The following CCT8 variants were observed in gnomAD, a reference collection of about 807,000 sequenced individuals.
CCT8 encodes T-complex protein 1 subunit theta.
In CCT8, 10 loss-of-function variants were observed where a neutral mutation model predicts 65.7. That is an observed-to-expected ratio of 0.15 (90% CI 0.09 to 0.26). The LOEUF (loss-of-function observed/expected upper bound fraction) is 0.26, where lower values mean the gene tolerates loss of function less well. Ranked by LOEUF, CCT8 falls within the 10% of genes least tolerant of loss-of-function variation. The pLI is 1.00. For synonymous variants in CCT8, 199 were observed against 221.8 expected (o/e 0.90, Z 0.92); for missense variants, 568 against 669.1 (o/e 0.85, Z 1.67).
intron 2 of CCT8, 55 bp from the exon 3 acceptor site, chr21:29,069,557 C>A: frequency 9.9e-7 from 1 of 1,010,110 alleles, no homozygotes; most frequent in Non-Finnish European, 1.5e-6. Context: ...TCAAATCCTT[C>A]CCCAAATACC....
intron 2 of CCT8, 64 bp downstream of exon 2, chr21:29,070,183 G>A: frequency 1.0e-6 from 1 of 988,346 alleles, no homozygotes; most frequent in Non-Finnish European, 1.5e-6. Context: ...GAACAAGTCT[G>A]AAAGAAGACG....
rs750337571 is a variant in CCT8, at chr21:29,061,537, T to C, written c.1243A>G (p.Thr415Ala). 2 of 1,614,060 alleles carry C rather than the reference T, an allele frequency of 1.2e-6. No individual in the cohort carries two copies. Among genetic ancestry groups the C allele is most frequent in the East Asian group, 2.2e-5 (1 of 44,880 alleles). ...DKRLVPGGGA[T>A]EIELAKQITS... ...ATCTGTTTGGCTAATTCAATTTCTG[T>C]TGCTCCACCTCCGGGTACAAGACGT... The change falls in exon 12 of 15, where the codon ACA (threonine) becomes GCA (alanine). Residue 415 changes from threonine to alanine, a missense_variant. Coordinates refer to ENST00000286788, the MANE Select transcript of CCT8 (RefSeq NM_006585.4).
In CCT8 at chr21:29,073,569, C is replaced by G. The variant is rs764018040; in HGVS notation, c.22G>C (p.Ala8Pro). The change falls in exon 1 of 15, where the codon GCT becomes CCT. Residue 8 changes from alanine (A) to proline (P), a missense_variant. By Grantham distance (27) the Ala-to-Pro change is conservative. Coordinates refer to ENST00000286788, the MANE Select transcript of CCT8 (RefSeq NM_006585.4). The stretch of plus-strand genomic sequence containing the variant: ...TTGAGCATCTGGGCAAAGCCCGGAG[C>G]CTTGGGAACGTGAAGCGCCATGGCC... MALHVPK[A>P]PGFAQMLKEG... The G allele has an allele frequency of 1.4e-5, 23 of 1,614,152 alleles. No homozygotes were observed. In the East Asian group the frequency reaches 4.7e-4, roughly 33 times the overall value.
intron 3 of CCT8, among the ~76,000 whole-genome samples, chr21:29,067,960 G>C (rs941383989): frequency 6.6e-6 from 1 of 152,096 alleles, no homozygotes; most frequent in Non-Finnish European, 1.5e-5. Flanking sequence ...TGCACATACA[G>C]TGCCACACAT....
chr21:29,059,812 G>A (rs1487871265), intron 14 of CCT8: 1 of 152,040 alleles, frequency 6.6e-6, no homozygotes, highest in Non-Finnish European at 1.5e-5. Flanking sequence ...GGTCCTTACT[G>A]TACTTAAAAG....
chr21:29,071,695 T>C (rs1381626321), intron 1 of CCT8, among the ~76,000 whole-genome samples: 1 of 152,134 alleles, frequency 6.6e-6, no homozygotes, highest in African/African-American at 2.4e-5. Flanking sequence ...CAATAGCCAC[T>C]GCTTTAAAAG....
rs8129954 is a variant in CCT8, at chr21:29,061,555, C to A, written c.1225G>T (p.Val409Leu). Reference sequence around the variant, plus strand: ...ATTTCTGTTGCTCCACCTCCGGGTACAAGACGTTTATCCTGTATGTAGCGC... The same window carrying A: ...ATTTCTGTTGCTCCACCTCCGGGTAAAAGACGTTTATCCTGTATGTAGCGC... Reference protein sequence around the residue: ...FKVLTRDKRLVPGGGATEIEL... With the variant: ...FKVLTRDKRLLPGGGATEIEL... The change falls in exon 12 of 15, where the codon GTA (valine) becomes TTA (leucine). Residue 409 changes from valine to leucine, a missense_variant. Val to Leu is a conservative substitution (Grantham distance 32, BLOSUM62 1). Transcript: ENST00000286788. 1 of 1,613,278 alleles carries A rather than the reference C, an allele frequency of 6.2e-7. No homozygotes were observed. Among genetic ancestry groups the A allele is most frequent in the Non-Finnish European group, 8.5e-7 (1 of 1,179,440 alleles).
intron 3 of CCT8, 89 bp from the exon 4 acceptor site, chr21:29,067,794 T>C (rs1162843730): frequency 1.0e-6 from 1 of 969,166 alleles, no homozygotes; most frequent in African/African-American, 1.7e-5. Context: ...GACTCAATTT[T>C]CTTGTAGATT....
chr21:29,065,076 C>A lies in CCT8; in HGVS notation c.654G>T (p.Leu218Phe). ...TTTCCTTCTTAAAAACCATGCCATG[C>A]AATACTGAAGAGGAACTGATACCAG... ...LGSGISSSSVLHGMVFKKETE... is the reference protein window; with the variant it reads ...LGSGISSSSVFHGMVFKKETE... The change falls in exon 7 of 15, where the codon TTG becomes TTT. Residue 218 changes from leucine to phenylalanine, a missense_variant. Transcript: ENST00000286788. The A allele has an allele frequency of 6.2e-7, 1 of 1,613,960 alleles. No homozygotes were observed. Among genetic ancestry groups the A allele is most frequent in the Non-Finnish European group, 8.5e-7 (1 of 1,179,920 alleles).
chr21:29,070,316 C>T lies in CCT8; in HGVS notation c.82G>A (p.Ala28Thr). 6.2e-7 allele frequency: 1 copy of T among 1,610,882 alleles called. No homozygotes were observed. The highest frequency in any genetic ancestry group is 8.5e-7 in the Non-Finnish European group (1 of 1,178,356). Residue 28 changes from alanine to threonine, a missense_variant, in exon 2 of 15, where the codon GCT becomes ACT. By Grantham distance (58) the Ala-to-Thr change is moderately conservative. Transcript: ENST00000286788. ...CAAGCTTGTATGTTTCTATACACAG[C>T]CTCTTCTAATCCTGAAAAGTGCTGT... ...GAKHFSGLEE[A>T]VYRNIQACKE...
At chr21:29,070,361 A>G in intron 1 of CCT8, 24 bp from the exon 2 acceptor site, 1 of 1,481,098 alleles carries the variant, frequency 6.8e-7, no homozygotes, top group Non-Finnish European at 9.3e-7. Flanking sequence ...CAAACAAAAA[A>G]CCCCGCTAAT....
At chr21:29,071,842 A>C in intron 1 of CCT8, 1 of 673,252 alleles carries the variant, frequency 1.5e-6, no homozygotes, top group Middle Eastern at 3.1e-4. Context: ...TCCCATACTT[A>C]AGACCCTTCA....
chr21:29,060,111 T>C (rs956918834), intron 14 of CCT8: 2 of 149,022 alleles, frequency 1.3e-5, no homozygotes, highest in Non-Finnish European at 3.0e-5. Context: ...AGGGTAGAAA[T>C]ATGATTTTAA....
chr21:29,069,217 A>G lies in CCT8; in HGVS notation c.231+206T>C, dbSNP rs202023105. ...TCACAACCAATCCCTCCATAAATTAATAACTTGAGAGATTTTTAAGATTTC... is the reference window on the plus strand; with the variant it reads ...TCACAACCAATCCCTCCATAAATTAGTAACTTGAGAGATTTTTAAGATTTC... On this transcript the variant is annotated intron_variant, in intron 3 of 14. Transcript: ENST00000286788. 5.9e-5 allele frequency among the ~76,000 whole-genome samples: 9 copies of G among 152,338 alleles called. 1 individual carries two copies. In the East Asian group the frequency reaches 1.7e-3, roughly 29 times the overall value.
intron 2 of CCT8, 55 bp downstream of exon 2, chr21:29,070,192 C>T (rs747282818): frequency 1.8e-5 from 19 of 1,053,388 alleles, no homozygotes; most frequent in Non-Finnish European, 2.3e-5. Context: ...TGAAAGAAGA[C>T]GTAGTACACA....
rs1601089422 is a variant in CCT8, at chr21:29,061,416, G to A, written c.1286C>T (p.Thr429Ile). The A allele has an allele frequency of 6.2e-7, 1 of 1,613,914 alleles. No homozygotes were observed. Among genetic ancestry groups the A allele is most frequent in the Non-Finnish European group, 8.5e-7 (1 of 1,179,874 alleles). The change falls in exon 13 of 15, where the codon ACA becomes ATA. Residue 429 changes from threonine to isoleucine, a missense_variant and splice_region_variant. Physicochemically the swap from Thr to Ile is moderately conservative, Grantham distance 89. Coordinates refer to ENST00000286788, the MANE Select transcript of CCT8 (RefSeq NM_006585.4). The part of the protein sequence containing the change: ...LAKQITSYGE[T>I]CPGLEQYAIK... Reference sequence around the variant, plus strand: ...AGCATACTGTTCAAGTCCAGGACATGTCTAAAACAAAAATGCGTTAATTAC... The same window carrying A: ...AGCATACTGTTCAAGTCCAGGACATATCTAAAACAAAAATGCGTTAATTAC...
At chr21:29,068,329 A>G (rs1363200644) in intron 3 of CCT8, among the ~76,000 whole-genome samples, 1 of 152,212 alleles carries the variant, frequency 6.6e-6, no homozygotes, top group East Asian at 1.9e-4. Flanking sequence ...TCACCACTGT[A>G]CTTTAATAAC....
At chr21:29,061,191 A>T in intron 13 of CCT8, 62 bp downstream of exon 13, 2 of 1,264,410 alleles carry the variant, frequency 1.6e-6, no homozygotes, top group Non-Finnish European at 2.3e-6. Flanking sequence ...TTAAACTCAT[A>T]CTATTTTTAG....
In CCT8 at chr21:29,062,641, C is replaced by A. The variant is rs961757315; in HGVS notation, c.942-85G>T. 76 of 996,574 alleles carry A rather than the reference C, an allele frequency of 7.6e-5. No homozygotes were observed. In the Middle Eastern group the frequency reaches 1.2e-3, roughly 16 times the overall value. 61.7% of individuals were successfully genotyped at this position (996,574 alleles called of 1,614,324 possible). The stretch of plus-strand genomic sequence containing the variant: ...TTCAAATTAAAGAGGAACCTGTATA[C>A]CAGCCCCCATGTCACATTCCTTTGA... On this transcript the variant is annotated intron_variant, in intron 8 of 14. Transcript: ENST00000286788.
Sources: gnomAD v4.1 joint callset for allele counts (sites outside exome capture counted in the v4.1 genomes callset) on GRCh38, gnomAD v4.1.1 for gene constraint, MANE v1.5 for transcripts, NCBI Gene and HGNC (gene_info 2026-07-23, HGNC 2026-07-21) for gene names.